The following SREBF2 variants were observed in gnomAD, a reference collection of about 807,000 sequenced individuals.
SREBF2 encodes sterol regulatory element-binding protein 2.
In SREBF2, 55 loss-of-function variants were observed where a neutral mutation model predicts 113.1. That is an observed-to-expected ratio of 0.49 (90% CI 0.39 to 0.61). The LOEUF (loss-of-function observed/expected upper bound fraction) is 0.61. SREBF2 is among the 20% of genes least tolerant of loss of function. The pLI, the probability that SREBF2 is intolerant of heterozygous loss-of-function variation, is 0.00. For missense variants in SREBF2, 1,349 were observed against 1,487.4 expected (o/e 0.91, Z 1.53); for synonymous variants, 593 against 605.7 (o/e 0.98, Z 0.31).
At chr22:41,882,459 A>G (rs1413333033) in intron 10 of SREBF2, among the ~76,000 whole-genome samples, 1 of 152,138 alleles carries the variant, frequency 6.6e-6, no homozygotes, top group African/African-American at 2.4e-5. Context: ...AGCCTATGAG[A>G]GTGGATAGGT....
intron 1 of SREBF2, among the ~76,000 whole-genome samples, chr22:41,853,808 G>A (rs1354595907): frequency 6.6e-6 from 1 of 152,114 alleles, no homozygotes; most frequent in Non-Finnish European, 1.5e-5. Flanking sequence ...GGCCGCGGCA[G>A]GTGGATCACA....
At chr22:41,834,280 A>G (rs1028618849) in intron 1 of SREBF2, among the ~76,000 whole-genome samples, 1 of 152,150 alleles carries the variant, frequency 6.6e-6, no homozygotes, top group Non-Finnish European at 1.5e-5. Context: ...TAGTAATCTT[A>G]TTAACTGGAT....
At chr22:41,868,860 T>C in intron 3 of SREBF2, 68 bp downstream of exon 3, 2 of 1,543,828 alleles carry the variant, frequency 1.3e-6, no homozygotes. Context: ...GTTGAAGATG[T>C]GGTCTACATA....
chr22:41,901,415 C>T (rs376989571), intron 16 of SREBF2, among the ~76,000 whole-genome samples: 2 of 152,160 alleles, frequency 1.3e-5, no homozygotes, highest in African/African-American at 4.8e-5. Context: ...AATCCCAGCA[C>T]TTTGGGAAGC....
At chr22:41,890,569 C>T (rs2077350738) in intron 11 of SREBF2, among the ~76,000 whole-genome samples, 1 of 152,118 alleles carries the variant, frequency 6.6e-6, no homozygotes, top group Non-Finnish European at 1.5e-5. Flanking sequence ...GCCACAGCCT[C>T]TTTCACATCA....
At chr22:41,887,543 CA>C (rs2077310799) in intron 11 of SREBF2, among the ~76,000 whole-genome samples, 14 of 152,228 alleles carry the variant, frequency 9.2e-5, no homozygotes, top group African/African-American at 3.4e-4. Flanking sequence ...GTGTAAGAAT[CA>C]TTATGTTGTT....
intron 1 of SREBF2, among the ~76,000 whole-genome samples, chr22:41,838,864 A>T (rs2076802609): frequency 6.6e-6 from 1 of 152,164 alleles, no homozygotes; most frequent in South Asian, 2.1e-4. Flanking sequence ...TTTGGATGGG[A>T]AGTGGCCCTC....
rs5996076 is a variant in SREBF2 at position 41,872,946 on chromosome 22, C to T, written c.868-852C>T. 1.3e-3 allele frequency among the ~76,000 whole-genome samples: 195 copies of T among 152,086 alleles called. 2 individuals are homozygous for T. The highest frequency in any genetic ancestry group is 4.6e-3 in the African/African-American group (192 of 41,478). On this transcript the variant is annotated intron_variant, in intron 4 of 18. Transcript: ENST00000361204. ...GACGTGGTGGCTCACGCCTGTAATC[C>T]CAGCACTTTGGGAGGCCAAGGCGGG...
In SREBF2 at chr22:41,833,473, C is replaced by A; in HGVS notation, c.88+115C>A. 2 of 884,294 alleles carry A rather than the reference C, an allele frequency of 2.3e-6. No homozygotes were observed. The highest frequency in any genetic ancestry group is 1.7e-6 in the Non-Finnish European group (1 of 598,032). 54.8% of individuals were successfully genotyped at this position (884,294 alleles called of 1,614,324 possible). ...ACAGCCCCGGTTCGCGCGGGAAGAA[C>A]CCCGTGCGCACGGTGCCCCCGGCGG... On this transcript the variant is annotated intron_variant, in intron 1 of 18. Transcript: ENST00000361204. The surrounding 1 kb of genome is among the most constrained non-coding windows in gnomAD (Gnocchi z 4.1).
At chr22:41,904,684 T>G (rs112742812) in intron 17 of SREBF2, 179 bp from the exon 18 acceptor site, 1 of 716,064 alleles carries the variant, frequency 1.4e-6, no homozygotes, top group Non-Finnish European at 2.6e-6. Flanking sequence ...CCAGGTTTCC[T>G]GCCTGGCTCA....
At chr22:41,861,183 C>A (rs1024484862) in intron 1 of SREBF2, among the ~76,000 whole-genome samples, 1 of 152,112 alleles carries the variant, frequency 6.6e-6, no homozygotes, top group African/African-American at 2.4e-5. Flanking sequence ...GAAGGGCACA[C>A]ATTAAAACAT....
At chr22:41,884,712 C>A in intron 10 of SREBF2, 130 bp from the exon 11 acceptor site, 2 of 931,670 alleles carry the variant, frequency 2.1e-6, no homozygotes, top group Non-Finnish European at 1.7e-6. Flanking sequence ...TGTGATCAGG[C>A]CTGTCTGATC....
chr22:41,860,891 AAAAAAAGATAAGGCTG>A (rs2077020497), intron 1 of SREBF2, among the ~76,000 whole-genome samples: 1 of 152,162 alleles, frequency 6.6e-6, no homozygotes, highest in African/African-American at 2.4e-5. Context: ...AAAAAATAAA[AAAAAAAGATAAGGCTG>A]AAAAATTTAA....
intron 1 of SREBF2, among the ~76,000 whole-genome samples, chr22:41,847,206 TG>T (rs751032047): frequency 5.9e-5 from 9 of 152,186 alleles, no homozygotes; most frequent in Non-Finnish European, 1.2e-4. Context: ...TGAGATCTCT[TG>T]CTTTGTAGAC....
chr22:41,886,860 C>T (rs1304392981), intron 11 of SREBF2, among the ~76,000 whole-genome samples: 2 of 152,160 alleles, frequency 1.3e-5, no homozygotes, highest in Non-Finnish European at 2.9e-5. Context: ...ATGATGAAAC[C>T]CTGTCTCTAC....
chr22:41,871,896 CT>C (rs1177991532), intron 4 of SREBF2, among the ~76,000 whole-genome samples: 2 of 117,770 alleles, frequency 1.7e-5, no homozygotes, highest in East Asian at 4.8e-4. Context: ...GAGACTGACT[CT>C]CAAAAAAAAA....
At position 41,905,639 on chromosome 22, in the gene SREBF2, C is replaced by T; in HGVS notation, c.3405C>T (p.Gly1135=). The change falls in exon 19 of 19, where the codon GGC becomes GGT. Residue 1135 remains glycine, a synonymous_variant. Transcript: ENST00000361204. The part of the protein sequence containing the change: ...CQQMIVKLGG[G]TAIAAS ...AGATGATTGTTAAGCTGGGTGGTGG[C>T]ACTGCCATTGCCGCCTCCTGACCAC... 1 of 1,589,800 alleles carries T rather than the reference C, an allele frequency of 6.3e-7. No individual in the cohort carries two copies. The highest frequency in any genetic ancestry group is 8.6e-7 in the Non-Finnish European group (1 of 1,169,020).
At chr22:41,864,222 G>T (rs1411920379) in intron 1 of SREBF2, among the ~76,000 whole-genome samples, 2 of 20,732 alleles carry the variant, frequency 9.6e-5, no homozygotes, top group South Asian at 2.7e-3. Context: ...CCTTCTGCAA[G>T]CATATATATA....
chr22:41,903,064 A>C lies in SREBF2; in HGVS notation c.3002A>C (p.Tyr1001Ser), dbSNP rs756644277. Residue 1001 changes from tyrosine (Y) to serine (S), a missense_variant, in exon 17 of 19, where the codon TAC becomes TCC. Physicochemically the swap from Tyr to Ser is moderately radical, Grantham distance 144 (BLOSUM62 -2). Transcript: ENST00000361204. Reference protein sequence around the residue: ...ASASQAVGETYHASGAELAGF... With the variant: ...ASASQAVGETSHASGAELAGF... ...GCCAGCCAGGCTGTGGGGGAGACCT[A>C]CCACGCGTCAGGCGCTGAACTGGCG... 5.2e-5 allele frequency: 84 copies of C among 1,602,174 alleles called. No individual in the cohort carries two copies. The highest frequency in any genetic ancestry group is 1.6e-4 in the Middle Eastern group (1 of 6,070).
Sources: gnomAD v4.1 joint callset for allele counts (sites outside exome capture counted in the v4.1 genomes callset) on GRCh38, gnomAD v4.1.1 for gene constraint, Gnocchi (gnomAD v3.1) non-coding constraint, MANE v1.5 for transcripts, NCBI Gene and HGNC (gene_info 2026-07-23, HGNC 2026-07-21) for gene names.